PDE1C: variants seen among roughly 807,000 people sequenced by gnomAD.
PDE1C encodes the protein dual specificity calcium/calmodulin-dependent 3',5'-cyclic nucleotide phosphodiesterase 1C.
A neutral mutation model predicts 93.1 loss-of-function variants in PDE1C; 62 were observed. The ratio of observed to expected loss-of-function variants is 0.67; its 90% CI spans 0.54 to 0.82. The LOEUF (loss-of-function observed/expected upper bound fraction) is 0.82, where lower values mean the gene tolerates loss of function less well. Ranked by LOEUF, PDE1C falls within the 40% of genes least tolerant of loss-of-function variation. The pLI is 0.00. For missense variants in PDE1C, 742 were observed against 884.6 expected, an observed-to-expected ratio of 0.84 and a Z score of 2.04; for synonymous variants, 325 against 310.1, an observed-to-expected ratio of 1.05 and a Z score of -0.50.
intron 12 of PDE1C, among the ~76,000 whole-genome samples, chr7:31,825,678 T>C (rs1186070343): frequency 6.6e-6 from 1 of 152,190 alleles, no homozygotes; most frequent in Admixed American, 6.5e-5. Context: ...TTAGAAGCTA[T>C]TGCAATTGTT....
upstream of PDE1C, among the ~76,000 whole-genome samples, chr7:32,076,037 C>T (rs531536373): frequency 7.9e-5 from 12 of 152,136 alleles, no homozygotes; most frequent in Non-Finnish European, 1.3e-4. Flanking sequence ...CTGGCCTGGG[C>T]TAACCAAGCT....
At chr7:31,750,824 A>G (rs1392714384), downstream of PDE1C, among the ~76,000 whole-genome samples, 2 of 152,122 alleles carry the variant, frequency 1.3e-5, no homozygotes. Flanking sequence ...CTCTGCCTCC[A>G]AGGTTCACAC....
chr7:31,655,628 G>A, the PDE1C span, among the ~76,000 whole-genome samples: 5 of 152,174 alleles, frequency 3.3e-5, no homozygotes, highest in East Asian at 7.7e-4. Flanking sequence ...TGCGCCTCTC[G>A]TCGCCTCCCA....
At chr7:31,811,263 T>A (rs770995206) in intron 15 of PDE1C, among the ~76,000 whole-genome samples, 2 of 152,074 alleles carry the variant, frequency 1.3e-5, no homozygotes, top group African/African-American at 2.4e-5. Flanking sequence ...CCTTCCACCA[T>A]GATTGTGAAG....
At chr7:32,004,803 C>T (rs1785967225) in intron 2 of PDE1C, among the ~76,000 whole-genome samples, 1 of 152,174 alleles carries the variant, frequency 6.6e-6, no homozygotes, top group South Asian at 2.1e-4. Context: ...TCACATACCA[C>T]AGAAATAGTT....
At chr7:32,342,211 C>T (rs1262682836) in intron 1 of PDE1C, among the ~76,000 whole-genome samples, 1 of 152,146 alleles carries the variant, frequency 6.6e-6, no homozygotes, top group East Asian at 1.9e-4. Flanking sequence ...GTCCTCACTA[C>T]CGGCACTCAA....
chr7:31,794,029 T>TAGATAGAC (rs1562807289), intron 16 of PDE1C, among the ~76,000 whole-genome samples: 17 of 103,312 alleles, frequency 1.6e-4, no homozygotes, highest in African/African-American at 5.3e-4. Flanking sequence ...GATAGATAGA[T>TAGATAGAC]AGATAGATAG....
intron 1 of PDE1C, among the ~76,000 whole-genome samples, chr7:32,328,368 G>C (rs1004595467): frequency 1.3e-5 from 2 of 152,174 alleles, no homozygotes; most frequent in Non-Finnish European, 2.9e-5. Context: ...ACACAAGTAA[G>C]AGTACACTAT....
intron 2 of PDE1C, among the ~76,000 whole-genome samples, chr7:31,914,696 A>G (rs1464459353): frequency 6.6e-6 from 1 of 152,210 alleles, no homozygotes; most frequent in African/African-American, 2.4e-5. Flanking sequence ...ACTTGGGTAA[A>G]AGATACCCAT....
At chr7:32,420,416 T>C (rs1264562556) in intron 1 of PDE1C, among the ~76,000 whole-genome samples, 5 of 137,266 alleles carry the variant, frequency 3.6e-5, no homozygotes, top group African/African-American at 8.2e-5. Flanking sequence ...CACACACACA[T>C]ATACACACAC....
the PDE1C span, among the ~76,000 whole-genome samples, chr7:31,701,565 G>T: frequency 6.6e-6 from 1 of 152,212 alleles, no homozygotes; most frequent in Non-Finnish European, 1.5e-5. Flanking sequence ...TGAAAGGATT[G>T]ACTTGATTTT....
At chr7:32,074,821 G>GT (rs1297829475), upstream of PDE1C, among the ~76,000 whole-genome samples, 4 of 152,232 alleles carry the variant, frequency 2.6e-5, no homozygotes, top group Non-Finnish European at 1.5e-5. Context: ...ATGGTAACGG[G>GT]TAGGGTGTCC....
chr7:32,083,541 C>T (rs889046241), intron 3 of PDE1C, among the ~76,000 whole-genome samples: 1 of 152,048 alleles, frequency 6.6e-6, no homozygotes, highest in African/African-American at 2.4e-5. Context: ...CTCCAAGACA[C>T]ATAATTGTCA....
chr7:32,005,565 A>AC (rs1786099628), intron 2 of PDE1C, among the ~76,000 whole-genome samples: 1 of 117,566 alleles, frequency 8.5e-6, no homozygotes, highest in African/African-American at 3.2e-5. Context: ...CAAAAAAAAA[A>AC]AAAAAAAAAA....
the PDE1C span, chr7:31,653,437 G>C: frequency 6.5e-6 from 1 of 153,362 alleles, no homozygotes; most frequent in Non-Finnish European, 1.5e-5. Context: ...GAAGCAATCA[G>C]ATATGCATTT....
intron 2 of PDE1C, among the ~76,000 whole-genome samples, chr7:31,947,341 A>G (rs1244437851): frequency 1.3e-5 from 2 of 152,226 alleles, no homozygotes; most frequent in African/African-American, 4.8e-5. Context: ...GGCAACATCT[A>G]AATAATGTTT....
intron 2 of PDE1C, among the ~76,000 whole-genome samples, chr7:31,930,880 T>C (rs1216134212): frequency 9.3e-6 from 1 of 107,318 alleles, no homozygotes; most frequent in African/African-American, 3.5e-5. Flanking sequence ...AAAAAAAGCT[T>C]ATCCACCACT....
At chr7:31,726,823 A>T in the PDE1C span, among the ~76,000 whole-genome samples, 1 of 152,302 alleles carries the variant, frequency 6.6e-6, no homozygotes, top group South Asian at 2.1e-4. Flanking sequence ...ACCTGAGGTC[A>T]GGAGTTCGAG....
At chr7:31,750,233 TG>T (rs1188329937), downstream of PDE1C, among the ~76,000 whole-genome samples, 1 of 151,918 alleles carries the variant, frequency 6.6e-6, no homozygotes, top group African/African-American at 2.4e-5. Flanking sequence ...TCAGGGAGGT[TG>T]TGGGAGAGTC....
Sources: gnomAD v4.1 joint callset for allele counts (sites outside exome capture counted in the v4.1 genomes callset) on GRCh38, gnomAD v4.1.1 for gene constraint, MANE v1.5 for transcripts, NCBI Gene and HGNC (gene_info 2026-07-23, HGNC 2026-07-21) for gene names.